Variants in GDPD4 observed in about 807,000 individuals in gnomAD.
GDPD4 encodes the protein glycerophosphodiester phosphodiesterase 6.
GDPD4 carries 60 observed loss-of-function variants against 67.8 expected under a neutral mutation model. The observed-to-expected ratio is 0.88, with a 90% CI of 0.72 to 1.10. GDPD4 has a LOEUF of 1.10. GDPD4 is among the 50% of genes least tolerant of loss of function. The pLI is 0.00. For synonymous variants in GDPD4, 212 were observed against 210.9 expected (o/e 1.00, Z -0.04); for missense variants, 623 against 613.9 (o/e 1.01, Z -0.16).
chr11:77,219,030 C>T (rs1958178498), intron 16 of GDPD4, among the ~76,000 whole-genome samples: 1 of 152,198 alleles, frequency 6.6e-6, no homozygotes, highest in Non-Finnish European at 1.5e-5. Flanking sequence ...GTTCCTATTT[C>T]TCCACATCCT....
chr11:77,300,181 T>A (rs929177589), intron 1 of GDPD4, among the ~76,000 whole-genome samples: 3 of 151,958 alleles, frequency 2.0e-5, no homozygotes, highest in Admixed American at 2.0e-4. Context: ...CCACCCTCAC[T>A]CCCGCCAAAC....
At chr11:77,294,445 A>G (rs542892240) in intron 1 of GDPD4, among the ~76,000 whole-genome samples, 4 of 152,224 alleles carry the variant, frequency 2.6e-5, no homozygotes, top group South Asian at 4.1e-4. Context: ...GCTGAAAACT[A>G]TAAGATACTT....
In GDPD4 at chr11:77,217,198, C is replaced by T. The variant is rs759160133; in HGVS notation, c.*79G>A. On this transcript the variant is annotated 3_prime_UTR_variant, in exon 17 of 17. Coordinates refer to ENST00000315938, the MANE Select transcript of GDPD4 (RefSeq NM_182833.3). ...GTTCCTTTCCACTCTTGGGTAGAGC[C>T]GGGTAGAGGGCTGCTAGAGTCCAAG... The T allele has an allele frequency of 4.3e-5, 46 of 1,066,762 alleles. No individual in the cohort carries two copies. The highest frequency in any genetic ancestry group is 7.8e-5 in the African/African-American group (5 of 64,284). The allele number at this position is 1,066,762 out of a possible 1,614,324, so 66.1% of individuals were successfully genotyped here. A position where few individuals can be genotyped will look rare whatever the true frequency, so the allele number is the denominator to read the frequency against.
chr11:77,275,104 A>G lies in GDPD4; in HGVS notation c.207+1057T>C, dbSNP rs61408046. On this transcript the variant is annotated intron_variant, in intron 5 of 16. Coordinates refer to ENST00000315938, the MANE Select transcript of GDPD4 (RefSeq NM_182833.3). ...CATGAAGAAATGATAAATGCTTGAGATGATGGATATCCTAAATTCCCTGAT... is the reference window on the plus strand; with the variant it reads ...CATGAAGAAATGATAAATGCTTGAGGTGATGGATATCCTAAATTCCCTGAT... Among the ~76,000 whole-genome samples, 537 of 152,358 alleles carry G rather than the reference A, an allele frequency of 3.5e-3. 1 individual carries two copies. Among genetic ancestry groups the G allele is most frequent in the African/African-American group, 0.013 (520 of 41,584 alleles).
chr11:77,281,316 G>A (rs1959743109), intron 3 of GDPD4, among the ~76,000 whole-genome samples: 2 of 151,968 alleles, frequency 1.3e-5, no homozygotes, highest in Admixed American at 1.3e-4. Flanking sequence ...ATCACCAACT[G>A]TCAGCTGACA....
chr11:77,241,727 G>A (rs1445053818), intron 13 of GDPD4, among the ~76,000 whole-genome samples: 6 of 148,498 alleles, frequency 4.0e-5, no homozygotes, highest in African/African-American at 7.4e-5. Flanking sequence ...GGTGGATCAC[G>A]AGGTCAAGAG....
chr11:77,286,728 C>T (rs1345009520), intron 2 of GDPD4, among the ~76,000 whole-genome samples: 2 of 152,196 alleles, frequency 1.3e-5, no homozygotes, highest in African/African-American at 2.4e-5. Flanking sequence ...GGCTAGTCCA[C>T]GTGCCACCAC....
chr11:77,301,413 A>T (rs955433136), intron 1 of GDPD4, among the ~76,000 whole-genome samples, 192 bp downstream of exon 1: 1 of 152,176 alleles, frequency 6.6e-6, no homozygotes, highest in Non-Finnish European at 1.5e-5. Flanking sequence ...AAAATACACG[A>T]AGCCGCTACT....
intron 1 of GDPD4, among the ~76,000 whole-genome samples, chr11:77,298,384 C>G (rs1417441451): frequency 6.6e-6 from 1 of 152,084 alleles, no homozygotes; most frequent in African/African-American, 2.4e-5. Flanking sequence ...TGGTGGCGCA[C>G]GCCTGTAATC....
chr11:77,235,403 A>T (rs1031828064), intron 13 of GDPD4, among the ~76,000 whole-genome samples: 1 of 152,162 alleles, frequency 6.6e-6, no homozygotes, highest in Admixed American at 6.5e-5. Flanking sequence ...TGTGAGAGGG[A>T]ATCACTCTAT....
At chr11:77,230,831 G>A (rs1958440530) in intron 14 of GDPD4, among the ~76,000 whole-genome samples, 1 of 152,178 alleles carries the variant, frequency 6.6e-6, no homozygotes, top group African/African-American at 2.4e-5. Flanking sequence ...CCCTGAATCT[G>A]AATTTGGCCA....
intron 3 of GDPD4, among the ~76,000 whole-genome samples, chr11:77,279,847 C>A (rs1044874024): frequency 2.0e-5 from 3 of 151,702 alleles, no homozygotes; most frequent in African/African-American, 7.3e-5. Flanking sequence ...CCCAATTTTT[C>A]TGTTCCTAAT....
At chr11:77,228,667 A>C (rs753619646) in intron 15 of GDPD4, among the ~76,000 whole-genome samples, 1 of 152,110 alleles carries the variant, frequency 6.6e-6, no homozygotes, top group Non-Finnish European at 1.5e-5. Flanking sequence ...CAGCCTGGGC[A>C]ATAGACTGAG....
intron 14 of GDPD4, among the ~76,000 whole-genome samples, chr11:77,230,419 G>T (rs1472372561): frequency 6.6e-6 from 1 of 152,182 alleles, no homozygotes; most frequent in East Asian, 1.9e-4. Flanking sequence ...ACTCAATGAG[G>T]ACAAAATAGA....
chr11:77,225,374 AAGC>A (rs1304066168), intron 16 of GDPD4, among the ~76,000 whole-genome samples: 2 of 151,972 alleles, frequency 1.3e-5, no homozygotes, highest in Non-Finnish European at 2.9e-5. Context: ...GAATCCCAGA[AAGC>A]AGTGGTGGAG....
At chr11:77,218,853 G>A (rs531969783) in intron 16 of GDPD4, among the ~76,000 whole-genome samples, 59 of 151,506 alleles carry the variant, frequency 3.9e-4, no homozygotes, top group East Asian at 1.5e-3. Flanking sequence ...TAAACAATAC[G>A]TGTGCATGTG....
Position 77,277,525 on chromosome 11 carries a change from C to T in GDPD4, c.148-1305G>A, listed in dbSNP as rs1406937127. On this transcript the variant is annotated intron_variant, in intron 4 of 16. Coordinates refer to ENST00000315938, the MANE Select transcript of GDPD4 (RefSeq NM_182833.3). ...TCACGCCATTCTCCTGCCTCAGCCT[C>T]CCGAGTAGCTGGGACTATGGGCGCC... Among the ~76,000 whole-genome samples the T allele has an allele frequency of 2.0e-5, 3 of 150,336 alleles. No homozygotes were observed. In the East Asian group the frequency reaches 5.9e-4, roughly 30 times the overall value.
rs1172008580 is a variant in GDPD4 at position 77,258,428 on chromosome 11, G to A, written c.822C>T (p.Phe274=). 1 of 1,614,120 alleles carries A rather than the reference G, an allele frequency of 6.2e-7. No individual in the cohort carries two copies. Among genetic ancestry groups the A allele is most frequent in the East Asian group, 2.2e-5 (1 of 44,878 alleles). ...CENPAFFNWD[F]LSTLNAGKWF... is the part of the protein sequence containing the mutation. ...ATTTGCCTGCATTCAGAGTCGATAG[G>A]AAATCCCAGTTGAAGAAGGCAGGGT... The change falls in exon 11 of 17, where the codon TTC becomes TTT. Residue 274 remains phenylalanine (F), a synonymous_variant. Transcript: ENST00000315938.
At chr11:77,268,362 G>A (rs536416458) in intron 10 of GDPD4, 95 bp downstream of exon 10, 5 of 800,740 alleles carry the variant, frequency 6.2e-6, no homozygotes, top group African/African-American at 5.1e-5. Context: ...ACTCCCCAGG[G>A]CTTGCTGTCT....
Sources: gnomAD v4.1 joint callset for allele counts (sites outside exome capture counted in the v4.1 genomes callset) on GRCh38, gnomAD v4.1.1 for gene constraint, MANE v1.5 for transcripts, NCBI Gene and HGNC (gene_info 2026-07-23, HGNC 2026-07-21) for gene names.